The following LYZL1 variants were observed in gnomAD, a reference collection of about 807,000 sequenced individuals.
LYZL1 encodes the protein lysozyme-like protein 1.
A neutral mutation model predicts 17.9 loss-of-function variants in LYZL1; 16 were observed. The ratio of observed to expected loss-of-function variants is 0.90; its 90% confidence interval spans 0.61 to 1.36. The LOEUF (loss-of-function observed/expected upper bound fraction) is 1.36, where lower values mean the gene tolerates loss of function less well. LYZL1 is among the 40% of genes most tolerant of loss of function. LYZL1 has a pLI of 0.00. For missense variants in LYZL1, 149 were observed against 188.4 expected, an observed-to-expected ratio of 0.79 and a Z score of 1.22; for synonymous variants, 58 against 71.8, an observed-to-expected ratio of 0.81 and a Z score of 0.97.
intron 3 of LYZL1, among the ~76,000 whole-genome samples, chr10:29,295,994 T>C (rs1835441729): frequency 6.6e-6 from 1 of 152,170 alleles, no homozygotes; most frequent in African/African-American, 2.4e-5. Flanking sequence ...AAAACAGACC[T>C]GTCAGCACTT....
exon 5 of LYZL1, chr10:29,318,307 T>C (rs1047767887): frequency 4.8e-6 from 2 of 416,658 alleles, no homozygotes; most frequent in Non-Finnish European, 6.4e-6. Context: ...TCATGCAAAA[T>C]AAAGCCCAGA....
chr10:29,293,291 A>AT (rs1213119096), intron 3 of LYZL1, among the ~76,000 whole-genome samples: 6 of 150,762 alleles, frequency 4.0e-5, no homozygotes, highest in Non-Finnish European at 7.4e-5. Context: ...CTATTTTGTA[A>AT]TTTTTTTGTA....
At chr10:29,314,894 GATCTTCAGAACT>G (rs1330242813), downstream of LYZL1, among the ~76,000 whole-genome samples, 2 of 152,178 alleles carry the variant, frequency 1.3e-5, no homozygotes, top group Non-Finnish European at 2.9e-5. Flanking sequence ...GCCCTGCGGG[GATCTTCAGAACT>G]CAGTGACAGA....
chr10:29,303,817 T>G (rs768091120), intron 3 of LYZL1, among the ~76,000 whole-genome samples: 23 of 152,330 alleles, frequency 1.5e-4, no homozygotes, highest in Non-Finnish European at 2.6e-4. Flanking sequence ...ATTACAGAAG[T>G]AGGGACATTT....
intron 3 of LYZL1, among the ~76,000 whole-genome samples, chr10:29,306,796 A>ATGTGTGTGTGTGTGTG (rs35332190): frequency 5.2e-4 from 73 of 141,182 alleles, no homozygotes; most frequent in East Asian, 3.3e-3. Flanking sequence ...CCGCTTATGT[A>ATGTGTGTGTGTGTGTG]TGTGTGTGTG....
At chr10:29,311,919 G>A (rs556511525), downstream of LYZL1, among the ~76,000 whole-genome samples, 5 of 152,034 alleles carry the variant, frequency 3.3e-5, no homozygotes, top group African/African-American at 4.8e-5. Context: ...AGATCATGCC[G>A]CTGTACTCCA....
rs188894052 is a variant in LYZL1 at position 29,291,010 on chromosome 10, G to C, written c.-25-833G>C. ...ATACAGGCCCACGTGTCTTTCATCT[G>C]TGGCTGAAATGGGCTGTCTGTTTCT... is the stretch of plus-strand genomic sequence containing the variant. On this transcript the variant is annotated intron_variant, in intron 1 of 4. Coordinates refer to ENST00000649382, the MANE Select transcript of LYZL1 (RefSeq NM_032517.6). Among the ~76,000 whole-genome samples, 37 of 152,218 alleles carry C rather than the reference G, an allele frequency of 2.4e-4. No individual in the cohort carries two copies. In the East Asian group the frequency reaches 4.4e-3, roughly 18 times the overall value.
At chr10:29,309,942 C>G (rs770512507) in intron 3 of LYZL1, among the ~76,000 whole-genome samples, 168 bp from the exon 4 acceptor site, 3 of 152,178 alleles carry the variant, frequency 2.0e-5, no homozygotes, top group Non-Finnish European at 4.4e-5. Flanking sequence ...ACAAAAAGTT[C>G]TTTTTGAAGA....
chr10:29,305,797 T>A (rs1835580840), intron 3 of LYZL1, among the ~76,000 whole-genome samples: 1 of 152,204 alleles, frequency 6.6e-6, no homozygotes, highest in Admixed American at 6.5e-5. Context: ...ACATTCAGAA[T>A]AAATTTGCTT....
chr10:29,310,090 A>G lies in LYZL1; in HGVS notation c.299-20A>G. 1 of 1,584,630 alleles carries G rather than the reference A, an allele frequency of 6.3e-7. No homozygotes were observed. Among genetic ancestry groups the G allele is most frequent in the Non-Finnish European group, 8.7e-7 (1 of 1,154,816 alleles). The stretch of plus-strand genomic sequence containing the variant: ...AACAACAAAGTCTCGCCTAACCCTG[A>G]TGTCTTCTCTCTTTTACAGCCTTGA... On this transcript the variant is annotated intron_variant, in intron 3 of 4. Transcript: ENST00000649382.
chr10:29,302,466 G>A (rs1195236744), intron 3 of LYZL1, among the ~76,000 whole-genome samples: 1 of 152,226 alleles, frequency 6.6e-6, no homozygotes, highest in Non-Finnish European at 1.5e-5. Flanking sequence ...TCATAAACGG[G>A]TGGGAAGAGG....
downstream of LYZL1, chr10:29,311,337 G>A (rs1835670352): frequency 4.1e-6 from 4 of 969,816 alleles, no homozygotes; most frequent in Non-Finnish European, 4.1e-6. Flanking sequence ...CTTCATTGTA[G>A]GGAGTCCTGG....
At chr10:29,312,713 C>A (rs371371119), downstream of LYZL1, among the ~76,000 whole-genome samples, 158 of 152,268 alleles carry the variant, frequency 1.0e-3, 1 homozygote, top group South Asian at 0.032. Flanking sequence ...AGGGATGGCA[C>A]CCCCTCCTGG....
At chr10:29,294,733 C>T (rs1835423007) in intron 3 of LYZL1, among the ~76,000 whole-genome samples, 1 of 152,214 alleles carries the variant, frequency 6.6e-6, no homozygotes, top group Admixed American at 6.5e-5. Context: ...CTCTTTGCCA[C>T]ATCCAGGAGT....
At chr10:29,317,946 TAAA>T (rs397801860) in intron 4 of LYZL1, among the ~76,000 whole-genome samples, 1 of 143,418 alleles carries the variant, frequency 7.0e-6, no homozygotes. Flanking sequence ...CCTGTCTCTT[TAAA>T]AAAAAAAAAA....
At chr10:29,313,296 A>C (rs928343633), downstream of LYZL1, among the ~76,000 whole-genome samples, 2 of 152,212 alleles carry the variant, frequency 1.3e-5, no homozygotes, top group East Asian at 3.8e-4. Context: ...CTAAATCAAT[A>C]ATCTGTGCTT....
rs545397940 is a variant in LYZL1, at chr10:29,290,384, T to C, written c.-26+1154T>C. On this transcript the variant is annotated intron_variant, in intron 1 of 4. Coordinates refer to ENST00000649382, the MANE Select transcript of LYZL1 (RefSeq NM_032517.6). ...CCCATTTCAGATGATTCCGCAGGGG[T>C]CTCTTTATTGCCCCTCTGCTCCCCC... Among the ~76,000 whole-genome samples, 445 of 152,060 alleles carry C rather than the reference T, an allele frequency of 2.9e-3. 1 individual carries two copies. Among genetic ancestry groups the C allele is most frequent in the Non-Finnish European group, 5.0e-3 (339 of 67,994 alleles).
At chr10:29,289,433 T>TG (rs1835331351) in intron 1 of LYZL1, among the ~76,000 whole-genome samples, 1 of 150,660 alleles carries the variant, frequency 6.6e-6, no homozygotes, top group African/African-American at 2.5e-5. Context: ...TTTTTTTTTT[T>TG]TTAGACAGGG....
At chr10:29,300,149 T>C (rs1835498012) in intron 3 of LYZL1, among the ~76,000 whole-genome samples, 1 of 152,220 alleles carries the variant, frequency 6.6e-6, no homozygotes, top group African/African-American at 2.4e-5. Flanking sequence ...AATGTGATTA[T>C]TGATATGGTT....
Sources: allele counts gnomAD v4.1 joint callset (sites outside exome capture counted in the v4.1 genomes callset), GRCh38; gene constraint gnomAD v4.1.1; transcripts MANE v1.5; gene names NCBI Gene and HGNC (gene_info 2026-07-23, HGNC 2026-07-21).